Variants in CLMP observed in about 807,000 individuals in gnomAD.
CLMP encodes CXADR like cell adhesion molecule.
CLMP carries 27 observed loss-of-function variants against 45.2 expected under a neutral mutation model. The observed-to-expected ratio is 0.60, with a 90% CI of 0.44 to 0.82. The LOEUF (loss-of-function observed/expected upper bound fraction) is 0.82, where lower values mean the gene tolerates loss of function less well. Among genes scored for constraint, CLMP ranks in the 40% least tolerant of loss-of-function variants. The probability of loss-of-function intolerance (pLI) is 0.00; values close to 1 mark genes in which losing one functional copy is unlikely to be tolerated. For missense variants in CLMP, 403 were observed against 448.4 expected, an observed-to-expected ratio of 0.90 and a Z score of 0.91; for synonymous variants, 167 against 171.4, an observed-to-expected ratio of 0.97 and a Z score of 0.20.
chr11:123,099,673 G>C (rs1866032328), intron 1 of CLMP, among the ~76,000 whole-genome samples: 1 of 152,126 alleles, frequency 6.6e-6, no homozygotes. Context: ...GGGATCAAAA[G>C]CACAGGATGG....
intron 1 of CLMP, among the ~76,000 whole-genome samples, chr11:123,151,440 T>C (rs957051302): frequency 5.3e-5 from 8 of 152,244 alleles, no homozygotes; most frequent in African/African-American, 1.7e-4. Flanking sequence ...GCTATTTATG[T>C]TCACTCATTC....
intron 1 of CLMP, among the ~76,000 whole-genome samples, chr11:123,133,533 A>G (rs1468559872): frequency 6.6e-6 from 1 of 152,078 alleles, no homozygotes; most frequent in Non-Finnish European, 1.5e-5. Context: ...ACTTTCGCTT[A>G]TTGTCCCTAG....
chr11:123,141,430 C>T (rs939368163), intron 1 of CLMP, among the ~76,000 whole-genome samples: 34 of 152,096 alleles, frequency 2.2e-4, no homozygotes, highest in African/African-American at 4.1e-4. Flanking sequence ...GTGATCCACC[C>T]GCCTTGGCCT....
intron 1 of CLMP, among the ~76,000 whole-genome samples, chr11:123,109,972 T>G (rs1359765821): frequency 6.6e-6 from 1 of 152,196 alleles, no homozygotes; most frequent in Non-Finnish European, 1.5e-5. Flanking sequence ...AATGCAGTTA[T>G]AGGTGAACAA....
intron 2 of CLMP, among the ~76,000 whole-genome samples, chr11:123,090,520 G>A (rs900629194): frequency 6.6e-6 from 1 of 152,108 alleles, no homozygotes; most frequent in Non-Finnish European, 1.5e-5. Context: ...ACTGACAGCT[G>A]TGTGCCTGTC....
intron 1 of CLMP, among the ~76,000 whole-genome samples, chr11:123,133,486 T>C (rs1355019872): frequency 1.3e-5 from 2 of 152,190 alleles, no homozygotes; most frequent in African/African-American, 4.8e-5. Context: ...TTTGCATCCA[T>C]TGATTCCCCT....
At chr11:123,147,214 C>T (rs1030807244) in intron 1 of CLMP, among the ~76,000 whole-genome samples, 3 of 152,146 alleles carry the variant, frequency 2.0e-5, no homozygotes. Flanking sequence ...TCTCCAACCT[C>T]ATCTCGTGTA....
At chr11:123,133,468 C>A (rs1861021297) in intron 1 of CLMP, among the ~76,000 whole-genome samples, 3 of 152,070 alleles carry the variant, frequency 2.0e-5, no homozygotes, top group Admixed American at 2.0e-4. Context: ...ACCCTACTTC[C>A]TAGTGATTTT....
At chr11:123,089,569 TC>T (rs1865902435) in intron 2 of CLMP, among the ~76,000 whole-genome samples, 1 of 150,162 alleles carries the variant, frequency 6.7e-6, no homozygotes, top group Non-Finnish European at 1.5e-5. Flanking sequence ...ATCAAGACCA[TC>T]CTGGCTAACA....
intron 1 of CLMP, among the ~76,000 whole-genome samples, chr11:123,149,214 GAGGC>G (rs1861278296): frequency 6.6e-6 from 1 of 152,194 alleles, no homozygotes; most frequent in African/African-American, 2.4e-5. Flanking sequence ...AATCTAGGAA[GAGGC>G]AGGAAAGAAT....
At chr11:123,179,127 C>A (rs966236177) in intron 1 of CLMP, among the ~76,000 whole-genome samples, 1 of 152,072 alleles carries the variant, frequency 6.6e-6, no homozygotes, top group African/African-American at 2.4e-5. Context: ...AATTGGAGGA[C>A]CCTTTACTTG....
At chr11:123,095,915 G>T (rs190097648) in intron 2 of CLMP, among the ~76,000 whole-genome samples, 1 of 152,268 alleles carries the variant, frequency 6.6e-6, no homozygotes, top group East Asian at 1.9e-4. Context: ...CAGAAAGACC[G>T]CAAGAACCTG....
chr11:123,175,767 G>T (rs1861690402), intron 1 of CLMP, among the ~76,000 whole-genome samples: 2 of 152,314 alleles, frequency 1.3e-5, no homozygotes, highest in African/African-American at 4.8e-5. Flanking sequence ...TCCATATATT[G>T]AAGAAACTTG....
rs112252266 is a variant in CLMP at position 123,126,875 on chromosome 11, C to T, written c.29-28923G>A. On this transcript the variant is annotated intron_variant, in intron 1 of 6. Transcript: ENST00000448775. The stretch of plus-strand genomic sequence containing the variant: ...TGGCGCTACTGCACTCCAGCCTGGG[C>T]GAGAGTGCGAGACTCCATCTTAAAA... Among the ~76,000 whole-genome samples the T allele has an allele frequency of 1.9e-3, 290 of 149,954 alleles. 2 individuals carry two copies. The highest frequency in any genetic ancestry group is 6.9e-3 in the African/African-American group (280 of 40,846).
chr11:123,101,757 A>G lies in CLMP; in HGVS notation c.29-3805T>C, dbSNP rs185624784. Among the ~76,000 whole-genome samples the G allele has an allele frequency of 3.3e-5, 5 of 152,368 alleles. No homozygotes were observed. The East Asian group carries it at 5.8e-4, about 18-fold the overall frequency. On this transcript the variant is annotated intron_variant, in intron 1 of 6. Coordinates refer to ENST00000448775, the MANE Select transcript of CLMP (RefSeq NM_024769.5). ...AGACATTTAGGTTACAGTTTAAATG[A>G]TAACAGGCCTTGCCCAAAACTCAAC...
chr11:123,152,718 CA>C (rs1382621044), intron 1 of CLMP, among the ~76,000 whole-genome samples: 2 of 150,034 alleles, frequency 1.3e-5, no homozygotes, highest in Non-Finnish European at 3.0e-5. Context: ...TTGGCACCCC[CA>C]GGGGAAAAAA....
intron 1 of CLMP, among the ~76,000 whole-genome samples, chr11:123,102,471 G>A: frequency 6.6e-6 from 1 of 151,394 alleles, no homozygotes; most frequent in East Asian, 2.0e-4. Flanking sequence ...AGTAGAGACA[G>A]GGTTTCACCA....
At chr11:123,165,874 G>C (rs1457285946) in intron 1 of CLMP, among the ~76,000 whole-genome samples, 1 of 152,162 alleles carries the variant, frequency 6.6e-6, no homozygotes, top group African/African-American at 2.4e-5. Flanking sequence ...GTGATGTAGA[G>C]AGGCCGGCCT....
At chr11:123,157,238 C>A (rs1861426768) in intron 1 of CLMP, among the ~76,000 whole-genome samples, 1 of 152,136 alleles carries the variant, frequency 6.6e-6, no homozygotes, top group Non-Finnish European at 1.5e-5. Context: ...TCACCCAGGG[C>A]AACCTCTTTA....
Sources: gnomAD v4.1 joint callset for allele counts (sites outside exome capture counted in the v4.1 genomes callset) on GRCh38, gnomAD v4.1.1 for gene constraint, MANE v1.5 for transcripts, NCBI Gene and HGNC (gene_info 2026-07-23, HGNC 2026-07-21) for gene names.